The following EIF2AK1 variants were observed in gnomAD, a reference collection of about 807,000 sequenced individuals.
The protein encoded by EIF2AK1 is eukaryotic translation initiation factor 2-alpha kinase 1.
In EIF2AK1, 54 loss-of-function variants were observed where a neutral mutation model predicts 77.9. That is an observed-to-expected ratio of 0.69 (90% CI 0.56 to 0.87). The LOEUF (loss-of-function observed/expected upper bound fraction) is 0.87. Ranked by LOEUF, EIF2AK1 falls within the 40% of genes least tolerant of loss-of-function variation. The pLI is 0.00. For synonymous variants in EIF2AK1, 314 were observed against 290.5 expected (o/e 1.08, Z -0.82); for missense variants, 810 against 768.6 (o/e 1.05, Z -0.64).
Position 6,035,946 on chromosome 7 carries a change from G to A in EIF2AK1, c.1332+1478C>T, listed in dbSNP as rs532444653. ...ACTCACTCACGGAGCCAAAGTCAAC[G>A]CCCAGGACTACAAGGGCCAAACAGC... On this transcript the variant is annotated intron_variant, in intron 11 of 14. Coordinates refer to ENST00000199389, the MANE Select transcript of EIF2AK1 (RefSeq NM_014413.4). This position sits in a 1 kb window ranked among gnomAD's most constrained non-coding sequence, Gnocchi z 5.5. The A allele has an allele frequency of 7.7e-6, 12 of 1,548,514 alleles. No homozygotes were observed. Among genetic ancestry groups the A allele is most frequent in the Middle Eastern group, 1.7e-4 (1 of 5,978 alleles).
At chr7:6,037,181 T>C (rs1421780924) in intron 11 of EIF2AK1, among the ~76,000 whole-genome samples, 2 of 151,754 alleles carry the variant, frequency 1.3e-5, no homozygotes, top group African/African-American at 2.4e-5. Context: ...CAGTGAGCTG[T>C]AATCGTGCCA....
At chr7:6,058,728 A>G in intron 1 of EIF2AK1, among the ~76,000 whole-genome samples, 1 of 152,224 alleles carries the variant, frequency 6.6e-6, no homozygotes, top group South Asian at 2.1e-4. Flanking sequence ...AGAGGAAACC[A>G]AGGAACAGAA....
intron 3 of EIF2AK1, 160 bp downstream of exon 3, chr7:6,049,752 T>TC (rs1788552241): frequency 1.6e-6 from 1 of 622,148 alleles, no homozygotes; most frequent in Non-Finnish European, 2.6e-6. Context: ...CCTCCCAAAG[T>TC]GCTGGGATTA....
Position 6,024,897 on chromosome 7 carries a change from G to C in EIF2AK1, c.1765-96C>G, listed in dbSNP as rs560425050. On this transcript the variant is annotated intron_variant, in intron 14 of 14. Coordinates refer to ENST00000199389, the MANE Select transcript of EIF2AK1 (RefSeq NM_014413.4). ...TCTGTCGCCCAGGCTGGAGTACAGT[G>C]GCATGATCTTGGCTCACTGCAACCT... The C allele has an allele frequency of 8.2e-6, 8 of 974,466 alleles. No individual in the cohort carries two copies. In the East Asian group the frequency reaches 2.2e-4, roughly 27 times the overall value. The allele number at this position is 974,466 out of a possible 1,614,324, so 60.4% of individuals were successfully genotyped here. A position where few individuals can be genotyped will look rare whatever the true frequency, so the allele number is the denominator to read the frequency against.
intron 6 of EIF2AK1, among the ~76,000 whole-genome samples, chr7:6,044,871 C>G (rs1275989241): frequency 6.6e-6 from 1 of 152,074 alleles, no homozygotes; most frequent in Non-Finnish European, 1.5e-5. Flanking sequence ...ATAAAATATG[C>G]TTTGTGCTAG....
At chr7:6,041,658 G>A (rs1788301104) in intron 8 of EIF2AK1, among the ~76,000 whole-genome samples, 1 of 151,894 alleles carries the variant, frequency 6.6e-6, no homozygotes, top group Non-Finnish European at 1.5e-5. Flanking sequence ...TGGCCAATAT[G>A]GTGAAACGCC....
chr7:6,037,866 T>G (rs1177227248), intron 10 of EIF2AK1, among the ~76,000 whole-genome samples: 1 of 151,800 alleles, frequency 6.6e-6, no homozygotes, highest in South Asian at 2.1e-4. Context: ...TTAAGTTCCC[T>G]TGAACCCTTG....
In EIF2AK1 at chr7:6,023,950, C is replaced by G; in HGVS notation, c.*723G>C. ...AAACCAATTCATCAGATCGCTGCCT[C>G]TGAGGGATGTACAGATTGGCTGGGG... is the stretch of plus-strand genomic sequence containing the variant. On this transcript the variant is annotated 3_prime_UTR_variant, in exon 15 of 15. Coordinates refer to ENST00000199389, the MANE Select transcript of EIF2AK1 (RefSeq NM_014413.4). 3 of 1,417,402 alleles carry G rather than the reference C, an allele frequency of 2.1e-6. No homozygotes were observed. The highest frequency in any genetic ancestry group is 1.4e-5 in the African/African-American group (1 of 70,468). The allele number at this position is 1,417,402 out of a possible 1,614,324, so 87.8% of individuals were successfully genotyped here.
intron 8 of EIF2AK1, among the ~76,000 whole-genome samples, chr7:6,041,452 T>G (rs1324614825): frequency 6.6e-6 from 1 of 151,580 alleles, no homozygotes; most frequent in Non-Finnish European, 1.5e-5. Flanking sequence ...GGCAGGAAAA[T>G]GACTCGAACC....
intron 7 of EIF2AK1, 95 bp from the exon 8 acceptor site, chr7:6,043,088 G>C: frequency 8.2e-7 from 1 of 1,216,116 alleles, no homozygotes; most frequent in Non-Finnish European, 1.2e-6. Flanking sequence ...TGTCAAATGA[G>C]ACTACAAGTC....
chr7:6,054,207 C>CTTTA (rs55688803), intron 2 of EIF2AK1, among the ~76,000 whole-genome samples: 92,183 of 150,850 alleles, frequency 0.61, 28,454 homozygotes, highest in African/African-American at 0.7. Flanking sequence ...TTTTTACAAG[C>CTTTA]TTTATTTATT....
intron 1 of EIF2AK1, chr7:6,058,210 G>C (rs1158159622): frequency 2.2e-6 from 1 of 452,578 alleles, no homozygotes; most frequent in African/African-American, 2.0e-5. Flanking sequence ...AGGCGTTCGA[G>C]ACCAGCCTGG....
At chr7:6,055,342 CAAAAAAAAAAA>C (rs58804557) in intron 1 of EIF2AK1, among the ~76,000 whole-genome samples, 3 of 70,222 alleles carry the variant, frequency 4.3e-5, no homozygotes, top group African/African-American at 6.1e-5. Context: ...AACTCCGTCT[CAAAAAAAAAAA>C]AAAAAAAAAA....
Position 6,027,165 on chromosome 7 carries a change from AATGG to A in EIF2AK1, c.1531-208_1531-205del, listed in dbSNP as rs1787771281. On this transcript the variant is annotated intron_variant, in intron 13 of 14. Coordinates refer to ENST00000199389, the MANE Select transcript of EIF2AK1 (RefSeq NM_014413.4). The surrounding 1 kb of genome is among the most constrained non-coding windows in gnomAD (Gnocchi z 4.5). ...AAAAGGGGCATCCGTGGGCACGCAG[AATGG>A]ATGGTCAGGTGGAGGGCAGGGATAA... Among the ~76,000 whole-genome samples the A allele has an allele frequency of 6.6e-6, 1 of 152,192 alleles. No individual in the cohort carries two copies. Among genetic ancestry groups the A allele is most frequent in the Non-Finnish European group, 1.5e-5 (1 of 68,034 alleles).
intron 8 of EIF2AK1, among the ~76,000 whole-genome samples, chr7:6,042,134 G>C (rs1788316683): frequency 6.6e-6 from 1 of 152,104 alleles, no homozygotes; most frequent in Non-Finnish European, 1.5e-5. Context: ...GGACAAAAGA[G>C]CAAGATCCTG....
At position 6,028,656 on chromosome 7, in the gene EIF2AK1, C is replaced by T. The variant is rs751164433; in HGVS notation, c.1489G>A (p.Ala497Thr). 3.1e-6 allele frequency: 5 copies of T among 1,614,090 alleles called. No individual in the cohort carries two copies. In the Admixed American group the frequency reaches 5.0e-5, roughly 16 times the overall value. ...GATCCTTCCAACTGTTCGGGTGAAG[C>T]GTACAGACAAGTACCCACTCTGGAC... ...HTSRVGTCLY[A>T]SPEQLEGSEY... is the part of the protein sequence containing the mutation. The change falls in exon 13 of 15, where the codon GCT becomes ACT. Residue 497 changes from alanine (A) to threonine (T), a missense_variant. Ala to Thr is a moderately conservative substitution (Grantham distance 58). Transcript: ENST00000199389.
Position 6,059,009 on chromosome 7 carries a change from C to A in EIF2AK1, c.75G>T (p.Pro25=). 3 of 1,540,108 alleles carry A rather than the reference C, an allele frequency of 1.9e-6. No individual in the cohort carries two copies. The highest frequency in any genetic ancestry group is 1.7e-6 in the Non-Finnish European group (2 of 1,147,534). Residue 25 remains proline (P), a synonymous_variant, in exon 1 of 15, where the codon CCG becomes CCT. Coordinates refer to ENST00000199389, the MANE Select transcript of EIF2AK1 (RefSeq NM_014413.4). ...GGCCCTCGGCGGGAAAGTCGATGGCCGGCGGCGCAGCCACAGCCCCAGCCC... is the reference window on the plus strand; with the variant it reads ...GGCCCTCGGCGGGAAAGTCGATGGCAGGCGGCGCAGCCACAGCCCCAGCCC... ...GDGAGAVAAP[P]AIDFPAEGPD...
chr7:6,057,155 CAG>C (rs1301461116), intron 1 of EIF2AK1, among the ~76,000 whole-genome samples: 3 of 111,332 alleles, frequency 2.7e-5, no homozygotes, highest in East Asian at 2.6e-4. Context: ...TTTTTTGAGA[CAG>C]AGTCTCACTC....
chr7:6,037,649 A>C, intron 10 of EIF2AK1, 125 bp from the exon 11 acceptor site: 1 of 679,266 alleles, frequency 1.5e-6, no homozygotes, highest in Non-Finnish European at 2.6e-6. Context: ...ATTTTCAACA[A>C]AGTCAATGCT....
Sources: allele counts gnomAD v4.1 joint callset (sites outside exome capture counted in the v4.1 genomes callset), GRCh38; gene constraint gnomAD v4.1.1; non-coding constraint Gnocchi (gnomAD v3.1); transcripts MANE v1.5; gene names NCBI Gene and HGNC (gene_info 2026-07-23, HGNC 2026-07-21).